NAALADL2: variants seen among roughly 807,000 people sequenced by gnomAD.
NAALADL2 encodes the protein inactive N-acetylated-alpha-linked acidic dipeptidase-like protein 2.
A neutral mutation model predicts 87.2 loss-of-function variants in NAALADL2; 76 were observed. The ratio of observed to expected loss-of-function variants is 0.87; its 90% CI spans 0.72 to 1.05. NAALADL2 has a LOEUF of 1.05. NAALADL2 is among the 50% of genes least tolerant of loss of function. NAALADL2 has a pLI of 0.00. For missense variants in NAALADL2, 1,089 were observed against 945.8 expected (o/e 1.15, Z -1.99); for synonymous variants, 354 against 331.0 (o/e 1.07, Z -0.75).
chr3:174,665,934 T>G (rs535115627), intron 2 of NAALADL2, among the ~76,000 whole-genome samples: 2 of 152,184 alleles, frequency 1.3e-5, no homozygotes, highest in Non-Finnish European at 2.9e-5. Flanking sequence ...CCTTTCTGTG[T>G]CTGAATTTTA....
At chr3:175,726,912 T>C (rs150969693) in intron 11 of NAALADL2, among the ~76,000 whole-genome samples, 6 of 152,096 alleles carry the variant, frequency 3.9e-5, no homozygotes, top group Admixed American at 6.5e-5. Flanking sequence ...ATGAGTTGCC[T>C]TCTTCTTCAA....
intron 1 of NAALADL2, among the ~76,000 whole-genome samples, chr3:174,945,475 G>A (rs1429746665): frequency 6.6e-6 from 1 of 152,098 alleles, no homozygotes; most frequent in Non-Finnish European, 1.5e-5. Context: ...AAATTTGACA[G>A]CAAAATGAGT....
intron 9 of NAALADL2, among the ~76,000 whole-genome samples, chr3:175,477,534 AT>A (rs1725868984): frequency 6.6e-6 from 1 of 152,072 alleles, no homozygotes; most frequent in Non-Finnish European, 1.5e-5. Flanking sequence ...CTAACCAGAA[AT>A]CACTTAATTT....
chr3:175,393,998 A>G (rs993829048), intron 5 of NAALADL2, among the ~76,000 whole-genome samples: 2 of 152,080 alleles, frequency 1.3e-5, no homozygotes, highest in African/African-American at 4.8e-5. Context: ...TTTGTCTCAT[A>G]TACACTGTAC....
In NAALADL2 at chr3:175,258,297, G is replaced by A. The variant is rs778546944; in HGVS notation, c.939+1767G>A. ...CACTCCAGCCTGGGCAACAGAGGGC[G>A]AGACTCCGTCCCTCCGCCCCCACCA... On this transcript the variant is annotated intron_variant, in intron 4 of 13. Transcript: ENST00000454872. Among the ~76,000 whole-genome samples, 18 of 137,036 alleles carry A rather than the reference G, an allele frequency of 1.3e-4. No individual in the cohort carries two copies. In the South Asian group the frequency reaches 1.5e-3, roughly 11 times the overall value. 89.9% of individuals were successfully genotyped at this position (137,036 alleles called of 152,430 possible).
intron 9 of NAALADL2, among the ~76,000 whole-genome samples, chr3:175,476,764 C>A (rs1725757387): frequency 6.6e-6 from 1 of 151,124 alleles, no homozygotes. Flanking sequence ...ATTGTTTTAC[C>A]TTCTGACTGA....
chr3:175,142,090 A>G (rs915260288), intron 2 of NAALADL2, among the ~76,000 whole-genome samples: 2 of 152,080 alleles, frequency 1.3e-5, no homozygotes, highest in Non-Finnish European at 2.9e-5. Context: ...AGCACAATCG[A>G]TGACACATTT....
intron 9 of NAALADL2, among the ~76,000 whole-genome samples, chr3:175,570,054 AT>A (rs1454199195): frequency 6.6e-6 from 1 of 152,200 alleles, no homozygotes; most frequent in Non-Finnish European, 1.5e-5. Context: ...GCTTGTCTGA[AT>A]TTGAAGGTCT....
chr3:175,244,100 C>A, intron 3 of NAALADL2, among the ~76,000 whole-genome samples: 1 of 152,180 alleles, frequency 6.6e-6, no homozygotes, highest in East Asian at 1.9e-4. Flanking sequence ...TTGACTTTCA[C>A]AATTTCATTC....
chr3:175,494,849 C>T (rs748875338), intron 9 of NAALADL2, among the ~76,000 whole-genome samples: 2 of 151,748 alleles, frequency 1.3e-5, no homozygotes, highest in Non-Finnish European at 2.9e-5. Flanking sequence ...CTGTCTTTTC[C>T]AGAGCAAGAG....
intron 13 of NAALADL2, among the ~76,000 whole-genome samples, chr3:175,762,002 A>C (rs1047095697): frequency 5.9e-5 from 9 of 152,140 alleles, no homozygotes; most frequent in Non-Finnish European, 1.2e-4. Flanking sequence ...AATTTTAATG[A>C]AATTTGAAAA....
intron 4 of NAALADL2, among the ~76,000 whole-genome samples, chr3:175,259,114 A>C (rs533103429): frequency 1.3e-5 from 2 of 152,330 alleles, no homozygotes; most frequent in East Asian, 3.9e-4. Context: ...AGGCAGCTTT[A>C]AACATCTGTG....
chr3:174,661,045 G>A (rs472662), intron 2 of NAALADL2, among the ~76,000 whole-genome samples: 140,520 of 152,196 alleles, frequency 0.92, 65,010 homozygotes, highest in East Asian at 1. Flanking sequence ...CACTAGGTAT[G>A]TAGAGGCCTT....
intron 13 of NAALADL2, among the ~76,000 whole-genome samples, chr3:175,798,066 A>T (rs1753723156): frequency 6.6e-6 from 1 of 152,056 alleles, no homozygotes. Flanking sequence ...TATTTTATGT[A>T]AGCAGGAAGC....
chr3:174,845,843 G>T (rs536540723), intron 3 of NAALADL2, among the ~76,000 whole-genome samples: 2 of 152,326 alleles, frequency 1.3e-5, no homozygotes, highest in South Asian at 4.1e-4. Context: ...CTGCAGGCAT[G>T]CATGTTAACT....
intron 1 of NAALADL2, among the ~76,000 whole-genome samples, chr3:174,880,663 T>C (rs1355417273): frequency 6.6e-6 from 1 of 152,120 alleles, no homozygotes; most frequent in South Asian, 2.1e-4. Flanking sequence ...ATCCTTCTCA[T>C]AGGTCTGCTT....
At chr3:174,901,939 A>T (rs1201543491) in intron 1 of NAALADL2, among the ~76,000 whole-genome samples, 3 of 152,162 alleles carry the variant, frequency 2.0e-5, no homozygotes, top group Non-Finnish European at 4.4e-5. Flanking sequence ...CTCTCAAATG[A>T]TCCTCTATTT....
At chr3:175,212,514 AG>A (rs1458059889) in intron 2 of NAALADL2, among the ~76,000 whole-genome samples, 1 of 152,084 alleles carries the variant, frequency 6.6e-6, no homozygotes, top group Non-Finnish European at 1.5e-5. Context: ...GACACACATC[AG>A]GAATCAGGAA....
At chr3:175,705,284 G>A (rs181396139) in intron 11 of NAALADL2, among the ~76,000 whole-genome samples, 1 of 152,094 alleles carries the variant, frequency 6.6e-6, no homozygotes, top group South Asian at 2.1e-4. Flanking sequence ...AGAGCTCAAA[G>A]TCAAGACCAG....
Sources: gnomAD v4.1 joint callset for allele counts (sites outside exome capture counted in the v4.1 genomes callset) on GRCh38, gnomAD v4.1.1 for gene constraint, MANE v1.5 for transcripts, NCBI Gene and HGNC (gene_info 2026-07-23, HGNC 2026-07-21) for gene names.